The following ABR variants were observed in gnomAD, a reference collection of about 807,000 sequenced individuals.
The protein encoded by ABR is active breakpoint cluster region-related protein.
Under a neutral mutation model 107.2 loss-of-function variants are expected in ABR, and 35 were observed. The ratio of observed to expected loss-of-function variants is 0.33; its 90% CI spans 0.25 to 0.43. The LOEUF is 0.43. Among genes scored for constraint, ABR ranks in the 20% least tolerant of loss-of-function variants. The pLI is 1.00. For missense variants in ABR, 815 were observed against 1,115.2 expected, an observed-to-expected ratio of 0.73 and a Z score of 3.83; for synonymous variants, 498 against 462.0, an observed-to-expected ratio of 1.08 and a Z score of -1.00.
Position 1,071,912 on chromosome 17 carries a change from T to C in ABR, c.894+702A>G, listed in dbSNP as rs1226909845. ...TTCTTCTGGCTCACTGGATTGTTAT[T>C]ATTATTTCTGAGATGGAGTCTCACT... On this transcript the variant is annotated intron_variant, in intron 8 of 22. Transcript: ENST00000302538. The surrounding 1 kb of genome is among the most constrained non-coding windows in gnomAD (Gnocchi z 5.1). 6.6e-6 allele frequency among the ~76,000 whole-genome samples: 1 copy of C among 152,188 alleles called. No individual in the cohort carries two copies. Among genetic ancestry groups the C allele is most frequent in the East Asian group, 1.9e-4 (1 of 5,200 alleles).
chr17:1,226,606 A>C (rs1404135042), intron 1 of ABR, among the ~76,000 whole-genome samples: 1 of 149,852 alleles, frequency 6.7e-6, no homozygotes, highest in African/African-American at 2.5e-5. Context: ...GCACATGTAC[A>C]TATGCAGGTG....
At chr17:1,166,569 C>T (rs910895581) in intron 1 of ABR, among the ~76,000 whole-genome samples, 2 of 152,182 alleles carry the variant, frequency 1.3e-5, no homozygotes, top group Admixed American at 6.5e-5. Context: ...GAGAAGGCTC[C>T]CACGTTGTGC....
intron 1 of ABR, among the ~76,000 whole-genome samples, chr17:1,193,963 G>A (rs2042494883): frequency 6.6e-6 from 1 of 152,084 alleles, no homozygotes; most frequent in South Asian, 2.1e-4. Context: ...CAAAGTGCTG[G>A]GATAACAGGC....
chr17:1,217,552 T>C (rs956734955), intron 1 of ABR, among the ~76,000 whole-genome samples: 5 of 152,226 alleles, frequency 3.3e-5, no homozygotes, highest in African/African-American at 9.7e-5. Context: ...ATTGATATTA[T>C]ATTATCATCG....
chr17:1,086,355 A>G (rs1885684878), intron 4 of ABR, among the ~76,000 whole-genome samples: 1 of 152,152 alleles, frequency 6.6e-6, no homozygotes, highest in Non-Finnish European at 1.5e-5. Flanking sequence ...GCACACAGCC[A>G]TGAACATGGA....
chr17:1,161,759 T>C (rs1038268008), intron 1 of ABR, among the ~76,000 whole-genome samples: 3 of 152,096 alleles, frequency 2.0e-5, no homozygotes, highest in Non-Finnish European at 4.4e-5. Context: ...TTCACCATGT[T>C]GGCCAGGCTG....
At chr17:1,226,698 T>G (rs2043225678) in intron 1 of ABR, among the ~76,000 whole-genome samples, 1 of 44,976 alleles carries the variant, frequency 2.2e-5, no homozygotes, top group Admixed American at 1.6e-4. Flanking sequence ...CATGTGCAGG[T>G]GTGTGTGTGT....
Position 1,150,814 on chromosome 17 carries a change from A to G in ABR, c.62-25447T>C, listed in dbSNP as rs546721200. Among the ~76,000 whole-genome samples the G allele has an allele frequency of 2.0e-5, 3 of 152,300 alleles. No individual in the cohort carries two copies. The South Asian group carries it at 6.2e-4, about 32-fold the overall frequency. On this transcript the variant is annotated intron_variant, in intron 1 of 22. Coordinates refer to ENST00000302538, the MANE Select transcript of ABR (RefSeq NM_021962.5). This position sits in a 1 kb window ranked among gnomAD's most constrained non-coding sequence, Gnocchi z 4.8. Reference sequence around the variant, plus strand: ...GACGCCGGACTCCCTAGGTTCTGCAAACCCAGCCATCAACACACAGAGGCC... The same window carrying G: ...GACGCCGGACTCCCTAGGTTCTGCAGACCCAGCCATCAACACACAGAGGCC...
intron 1 of ABR, among the ~76,000 whole-genome samples, chr17:1,152,803 T>G (rs967988325): frequency 6.6e-5 from 10 of 150,708 alleles, no homozygotes; most frequent in Admixed American, 4.0e-4. Flanking sequence ...CAAAAAAAAT[T>G]CTGACACAGG....
chr17:1,181,026 C>T (rs1367932213), upstream of ABR, among the ~76,000 whole-genome samples: 1 of 152,194 alleles, frequency 6.6e-6, no homozygotes, highest in Non-Finnish European at 1.5e-5. Flanking sequence ...ATTTCAGATA[C>T]CGGAGCTGTC....
chr17:1,022,910 G>C (rs1208917456), intron 16 of ABR, among the ~76,000 whole-genome samples: 1 of 152,274 alleles, frequency 6.6e-6, no homozygotes, highest in Non-Finnish European at 1.5e-5. Flanking sequence ...TCTGAACGAC[G>C]CTTTTGTCCA....
chr17:1,184,149 T>A (rs1422111891), upstream of ABR, among the ~76,000 whole-genome samples: 3 of 123,960 alleles, frequency 2.4e-5, no homozygotes, highest in Non-Finnish European at 3.3e-5. Context: ...AGAGTGAGAC[T>A]CCCTCTCAAA....
intron 2 of ABR, among the ~76,000 whole-genome samples, chr17:1,117,011 G>C (rs1316271640): frequency 6.6e-6 from 1 of 152,170 alleles, no homozygotes; most frequent in Non-Finnish European, 1.5e-5. Flanking sequence ...GCCTCTTCAC[G>C]CACCTACCAG....
At chr17:1,120,536 C>T (rs35739738) in intron 2 of ABR, among the ~76,000 whole-genome samples, 9,468 of 152,284 alleles carry the variant, frequency 0.062, 388 homozygotes, top group Middle Eastern at 0.14. Context: ...ACCTCGGCCT[C>T]CCAAAGTGCT....
At chr17:1,223,725 C>T (rs564980855) in intron 1 of ABR, among the ~76,000 whole-genome samples, 119 of 152,228 alleles carry the variant, frequency 7.8e-4, no homozygotes, top group African/African-American at 2.5e-3. Context: ...ACAATCACCG[C>T]GGAAGGCAAA....
In ABR at chr17:1,179,797, G is replaced by A; in HGVS notation, c.-70C>T. ...CGCAACAAAGGAGGGAGAGCGGGCG[G>A]GAGCCGGGGGAGGCCGAAGTTGCGA... On this transcript the variant is annotated 5_prime_UTR_variant, in exon 1 of 23. Transcript: ENST00000302538. The surrounding 1 kb of genome is among the most constrained non-coding windows in gnomAD (Gnocchi z 4.9). The A allele has an allele frequency of 9.1e-6, 4 of 440,274 alleles. No homozygotes were observed. Among genetic ancestry groups the A allele is most frequent in the Non-Finnish European group, 1.7e-5 (4 of 234,932 alleles). The allele number at this position is 440,274 out of a possible 1,614,324, so 27.3% of individuals were successfully genotyped here. A position where few individuals can be genotyped will look rare whatever the true frequency, so the allele number is the denominator to read the frequency against.
At chr17:1,028,864 C>G (rs1402994441) in intron 16 of ABR, among the ~76,000 whole-genome samples, 1 of 145,090 alleles carries the variant, frequency 6.9e-6, no homozygotes, top group African/African-American at 2.5e-5. Context: ...CCCCGACAGA[C>G]AAATGCTTCT....
chr17:1,119,805 T>TGCA (rs1484821355), intron 2 of ABR, among the ~76,000 whole-genome samples: 1 of 152,234 alleles, frequency 6.6e-6, no homozygotes, highest in Non-Finnish European at 1.5e-5. Context: ...GACAGCGCTG[T>TGCA]GCAGGCTCTG....
intron 2 of ABR, among the ~76,000 whole-genome samples, chr17:1,115,851 C>T (rs1385322786): frequency 6.6e-6 from 1 of 151,166 alleles, no homozygotes. Context: ...ACTTGAACCC[C>T]GGGAGGCGGA....
Sources: allele counts gnomAD v4.1 joint callset (sites outside exome capture counted in the v4.1 genomes callset), GRCh38; gene constraint gnomAD v4.1.1; non-coding constraint Gnocchi (gnomAD v3.1); transcripts MANE v1.5; gene names NCBI Gene and HGNC (gene_info 2026-07-23, HGNC 2026-07-21).